MYT1L: variants seen among roughly 807,000 people sequenced by gnomAD.
MYT1L encodes the protein myelin transcription factor 1-like protein.
Under a neutral mutation model 126.7 loss-of-function variants are expected in MYT1L, and 12 were observed. The ratio of observed to expected loss-of-function variants is 0.09; its 90% confidence interval spans 0.06 to 0.15. The LOEUF (loss-of-function observed/expected upper bound fraction) is 0.15, where lower values mean the gene tolerates loss of function less well. Ranked by LOEUF, MYT1L falls within the 10% of genes least tolerant of loss-of-function variation. The pLI is 1.00. For missense variants in MYT1L, 979 were observed against 1,585.2 expected (o/e 0.62, Z 6.49); for synonymous variants, 541 against 604.2 (o/e 0.90, Z 1.53).
intron 1 of MYT1L, among the ~76,000 whole-genome samples, chr2:2,290,235 G>C (rs1372609283): frequency 3.3e-5 from 5 of 152,212 alleles, no homozygotes; most frequent in Non-Finnish European, 5.9e-5. Context: ...CCCAACCTCT[G>C]ATGGAGCAAA....
chr2:1,950,890 G>A (rs2057688620), intron 8 of MYT1L, among the ~76,000 whole-genome samples: 1 of 152,190 alleles, frequency 6.6e-6, no homozygotes, highest in Non-Finnish European at 1.5e-5. Flanking sequence ...CTAGATGGTG[G>A]AAGGTCATTT....
intron 18 of MYT1L, among the ~76,000 whole-genome samples, chr2:1,880,960 G>A (rs2047456650): frequency 6.6e-6 from 1 of 152,222 alleles, no homozygotes; most frequent in Non-Finnish European, 1.5e-5. Flanking sequence ...TATTGCTGGA[G>A]AACTTTAGGA....
At chr2:1,897,265 C>G (rs1357793107) in intron 14 of MYT1L, among the ~76,000 whole-genome samples, 3 of 152,140 alleles carry the variant, frequency 2.0e-5, no homozygotes, top group Non-Finnish European at 4.4e-5. Flanking sequence ...CCCTTCATGC[C>G]AGTATCTTTT....
At position 2,190,575 on chromosome 2, in the gene MYT1L, A is replaced by AG. The variant is rs1051502837; in HGVS notation, c.-420-17588_-420-17587insC. Among the ~76,000 whole-genome samples the AG allele has an allele frequency of 6.4e-5, 9 of 141,230 alleles. No individual in the cohort carries two copies. The East Asian group carries it at 9.7e-4, about 15-fold the overall frequency. The allele number at this position is 141,230 out of a possible 152,430, so 92.7% of individuals were successfully genotyped here. On this transcript the variant is annotated intron_variant, in intron 2 of 24. Transcript: ENST00000647738. The stretch of plus-strand genomic sequence containing the variant: ...CCTGTTAAAAAAAAAAAAAAAAAAA[A>AG]AAGAAGAAGAAAGCTCACAGAAGAA...
intron 14 of MYT1L, among the ~76,000 whole-genome samples, chr2:1,896,174 A>G (rs1458233765): frequency 6.6e-6 from 1 of 152,232 alleles, no homozygotes; most frequent in Admixed American, 6.5e-5. Flanking sequence ...CTATTATTAA[A>G]AAGCCAAAAA....
At chr2:2,325,615 T>C (rs1338075553) in intron 1 of MYT1L, 1 of 152,234 alleles carries the variant, frequency 6.6e-6, no homozygotes, top group Non-Finnish European at 1.5e-5. Flanking sequence ...GTGGTGACCA[T>C]ACCGTTTCAC....
intron 3 of MYT1L, among the ~76,000 whole-genome samples, chr2:2,135,314 C>T (rs1267875960): frequency 6.6e-6 from 1 of 152,154 alleles, no homozygotes; most frequent in African/African-American, 2.4e-5. Context: ...TCCCTGCACA[C>T]TCTCTCTCTT....
At chr2:2,106,984 C>T (rs545343563) in intron 3 of MYT1L, among the ~76,000 whole-genome samples, 2 of 152,218 alleles carry the variant, frequency 1.3e-5, no homozygotes, top group African/African-American at 2.4e-5. Flanking sequence ...TTGTGGCTTT[C>T]GTGGGGTTAG....
At chr2:2,127,545 A>C (rs150318312) in intron 3 of MYT1L, among the ~76,000 whole-genome samples, 69 of 152,316 alleles carry the variant, frequency 4.5e-4, no homozygotes, top group Non-Finnish European at 7.8e-4. Flanking sequence ...GCCTTGTCAG[A>C]ACTCCAGAAT....
chr2:2,254,148 C>T (rs1241497399), intron 2 of MYT1L, among the ~76,000 whole-genome samples: 15 of 152,196 alleles, frequency 9.9e-5, no homozygotes, highest in African/African-American at 3.6e-4. Flanking sequence ...GTACCTTTTG[C>T]AGATTTGCAA....
At chr2:2,218,969 A>G (rs138567679) in intron 2 of MYT1L, among the ~76,000 whole-genome samples, 2 of 152,202 alleles carry the variant, frequency 1.3e-5, no homozygotes, top group African/African-American at 4.8e-5. Flanking sequence ...TCATTCCATC[A>G]TTTGAAATAA....
In MYT1L at chr2:1,979,226, A is replaced by G. The variant is rs1225432827; in HGVS notation, c.91T>C (p.Cys31Arg). ...CTGCCGTCACAGCCAGGGGTGGGACAGCTGCAACAGGAAAGAATGGATTAC... is the reference window on the plus strand; with the variant it reads ...CTGCCGTCACAGCCAGGGGTGGGACGGCTGCAACAGGAAAGAATGGATTAC... ...VEPAIQELFS[C>R]PTPGCDGSGH... Residue 31 changes from cysteine (C) to arginine (R), a missense_variant and splice_region_variant, in exon 8 of 25, where the codon TGT (cysteine) becomes CGT (arginine). By Grantham distance (180) the Cys-to-Arg change is radical (BLOSUM62 -3). Transcript: ENST00000647738. The surrounding 1 kb of genome is among the most constrained non-coding windows in gnomAD (Gnocchi z 4.0). 6.2e-7 allele frequency: 1 copy of G among 1,613,728 alleles called. No individual in the cohort carries two copies.
intron 14 of MYT1L, among the ~76,000 whole-genome samples, chr2:1,896,166 A>G (rs1573339500): frequency 6.6e-6 from 1 of 152,208 alleles, no homozygotes; most frequent in African/African-American, 2.4e-5. Flanking sequence ...CTGAATGGCT[A>G]TTATTAAAAA....
intron 2 of MYT1L, among the ~76,000 whole-genome samples, chr2:2,220,634 G>A (rs888603860): frequency 2.0e-5 from 3 of 152,130 alleles, no homozygotes; most frequent in African/African-American, 4.8e-5. Flanking sequence ...CCCCCACAAA[G>A]GACACCTTTG....
At chr2:2,255,792 C>T (rs1328812721) in intron 2 of MYT1L, among the ~76,000 whole-genome samples, 4 of 152,098 alleles carry the variant, frequency 2.6e-5, no homozygotes, top group South Asian at 2.1e-4. Context: ...CTCTGGAGGC[C>T]GTTTCTAGTC....
At chr2:1,966,839 A>G (rs2059401867) in intron 8 of MYT1L, among the ~76,000 whole-genome samples, 1 of 152,164 alleles carries the variant, frequency 6.6e-6, no homozygotes, top group Admixed American at 6.5e-5. Flanking sequence ...AATTCAGAAA[A>G]GAAGAGCAAA....
intron 1 of MYT1L, among the ~76,000 whole-genome samples, chr2:2,307,769 ATGCTTC>A (rs2095878269): frequency 6.7e-6 from 1 of 149,682 alleles, no homozygotes; most frequent in Non-Finnish European, 1.5e-5. Context: ...TATTCCACCT[ATGCTTC>A]AGTACACTCT....
At chr2:2,287,419 T>G (rs2095538295) in intron 1 of MYT1L, among the ~76,000 whole-genome samples, 1 of 152,200 alleles carries the variant, frequency 6.6e-6, no homozygotes, top group African/African-American at 2.4e-5. Flanking sequence ...ATCGCCAGCA[T>G]CCTGGTGCAA....
At position 2,224,721 on chromosome 2, in the gene MYT1L, A is replaced by G. The variant is rs2093964244; in HGVS notation, c.-420-51733T>C. 6.6e-6 allele frequency among the ~76,000 whole-genome samples: 1 copy of G among 152,042 alleles called. No individual in the cohort carries two copies. Among genetic ancestry groups the G allele is most frequent in the African/African-American group, 2.4e-5 (1 of 41,406 alleles). ...GTAGTCCCAGCTACTTGGGAAGCTG[A>G]GACAGGAGAATGACATGAACCCGGG... On this transcript the variant is annotated intron_variant, in intron 2 of 24. Transcript: ENST00000647738. This position sits in a 1 kb window ranked among gnomAD's most constrained non-coding sequence, Gnocchi z 4.0.
Sources: gnomAD v4.1 joint callset for allele counts (sites outside exome capture counted in the v4.1 genomes callset) on GRCh38, gnomAD v4.1.1 for gene constraint, Gnocchi (gnomAD v3.1) non-coding constraint, MANE v1.5 for transcripts, NCBI Gene and HGNC (gene_info 2026-07-23, HGNC 2026-07-21) for gene names.